Variants in FGD6 observed in about 807,000 individuals in gnomAD.
FGD6 encodes the protein FYVE, RhoGEF and PH domain-containing protein 6.
In FGD6, 90 loss-of-function variants were observed where a neutral mutation model predicts 149.4. The ratio of observed to expected loss-of-function variants is 0.60; its 90% CI spans 0.51 to 0.72. The LOEUF is 0.72. Ranked by LOEUF, FGD6 falls within the 30% of genes least tolerant of loss-of-function variation. FGD6 has a pLI of 0.00. For missense variants in FGD6, 1,437 were observed against 1,684.8 expected (o/e 0.85, Z 2.57); for synonymous variants, 527 against 584.0 (o/e 0.90, Z 1.41).
chr12:95,208,772 T>C, intron 2 of FGD6, 71 bp downstream of exon 2: 3 of 1,517,296 alleles, frequency 2.0e-6, no homozygotes, highest in Admixed American at 2.2e-5. Flanking sequence ...CCCCCTGCAT[T>C]CCTAACTCAC....
At chr12:95,165,420 G>A (rs1403854601) in intron 3 of FGD6, among the ~76,000 whole-genome samples, 8 of 149,640 alleles carry the variant, frequency 5.3e-5, no homozygotes, top group Non-Finnish European at 1.0e-4. Flanking sequence ...TGCAACCTCC[G>A]CCTCCTGGGT....
intron 8 of FGD6, among the ~76,000 whole-genome samples, chr12:95,120,407 C>T (rs1879154320): frequency 6.6e-6 from 1 of 151,118 alleles, no homozygotes; most frequent in Admixed American, 6.6e-5. Flanking sequence ...AAATTTTAGG[C>T]TGGGCATGGT....
chr12:95,162,277 C>T (rs914461261), intron 3 of FGD6, among the ~76,000 whole-genome samples: 3 of 151,594 alleles, frequency 2.0e-5, no homozygotes, highest in South Asian at 2.1e-4. Context: ...AATCCCAGCA[C>T]TTTGGGAGGC....
chr12:95,113,342 C>T (rs945229116), intron 9 of FGD6, among the ~76,000 whole-genome samples: 1 of 151,400 alleles, frequency 6.6e-6, no homozygotes, highest in Admixed American at 6.6e-5. Flanking sequence ...AAGCAATTCT[C>T]CTGCCTCAGC....
intron 3 of FGD6, among the ~76,000 whole-genome samples, chr12:95,163,919 C>T (rs1447509269): frequency 6.6e-6 from 1 of 152,132 alleles, no homozygotes; most frequent in East Asian, 1.9e-4. Context: ...ATATTATCTC[C>T]AACTTGTAAG....
At chr12:95,160,727 CTT>C (rs1163074137) in intron 3 of FGD6, among the ~76,000 whole-genome samples, 1 of 152,156 alleles carries the variant, frequency 6.6e-6, no homozygotes, top group African/African-American at 2.4e-5. Flanking sequence ...GGAATTGCCT[CTT>C]CTTTTCCTTT....
rs368420503 is a variant in FGD6, at chr12:95,178,964, C to CA, written c.2442-6221dup. On this transcript the variant is annotated intron_variant, in intron 2 of 20. Transcript: ENST00000343958. ...CTAGCAAGCTAGGGTTCTATGGCTT[C>CA]AAAAAAAAAGAAATCACACAAAAAT... 6.3e-3 allele frequency among the ~76,000 whole-genome samples: 947 copies of CA among 149,842 alleles called. 17 individuals carry two copies. The highest frequency in any genetic ancestry group is 0.022 in the African/African-American group (888 of 40,968).
chr12:95,087,377 G>A (rs1877914703), intron 18 of FGD6, among the ~76,000 whole-genome samples: 2 of 152,092 alleles, frequency 1.3e-5, no homozygotes, highest in African/African-American at 4.8e-5. Flanking sequence ...CCATGATCAA[G>A]CTACCTTATA....
intron 1 of FGD6, among the ~76,000 whole-genome samples, chr12:95,216,663 G>C (rs1592887901): frequency 2.3e-5 from 1 of 43,074 alleles, no homozygotes; most frequent in Admixed American, 3.4e-4. Flanking sequence ...ATTGGGTGCA[G>C]ACAAGCAAAA....
At chr12:95,150,818 T>C (rs184982033) in intron 5 of FGD6, among the ~76,000 whole-genome samples, 7 of 152,158 alleles carry the variant, frequency 4.6e-5, no homozygotes, top group Non-Finnish European at 7.4e-5. Context: ...AAAAGAGAAC[T>C]GGCTGGGCAT....
In FGD6 at chr12:95,209,134, A is replaced by T; in HGVS notation, c.2150T>A (p.Leu717Gln). ...SRGQTSAANGLRAESLDDQML... is the reference protein window; with the variant it reads ...SRGQTSAANGQRAESLDDQML... ...TTGGTCATCCAAAGACTCAGCTCTC[A>T]GACCATTAGCTGCACTGGTCTGGCC... Residue 717 changes from leucine to glutamine, a missense_variant, in exon 2 of 21, where the codon CTG becomes CAG. Transcript: ENST00000343958. The T allele has an allele frequency of 6.2e-7, 1 of 1,614,200 alleles. No individual in the cohort carries two copies. The highest frequency in any genetic ancestry group is 8.5e-7 in the Non-Finnish European group (1 of 1,180,038).
Position 95,210,496 on chromosome 12 carries a change from C to A in FGD6, c.788G>T (p.Ser263Ile). 6.2e-7 allele frequency: 1 copy of A among 1,613,896 alleles called. No individual in the cohort carries two copies. The change falls in exon 2 of 21, where the codon AGC becomes ATC. Residue 263 changes from serine (S) to isoleucine (I), a missense_variant. Coordinates refer to ENST00000343958, the MANE Select transcript of FGD6 (RefSeq NM_018351.4). Reference protein sequence around the residue: ...FETCQDDSEKSNNCFQSSELE... With the variant: ...FETCQDDSEKINNCFQSSELE... ...TTCAGATGACTGAAAGCAATTATTG[C>A]TTTTTTCACTGTCATCCTGGCAAGT...
chr12:95,148,202 A>G (rs1880069999), intron 5 of FGD6, among the ~76,000 whole-genome samples: 1 of 151,626 alleles, frequency 6.6e-6, no homozygotes, highest in Non-Finnish European at 1.5e-5. Context: ...GTCAGGGTGT[A>G]TTCAGTGAAA....
intron 18 of FGD6, among the ~76,000 whole-genome samples, chr12:95,087,623 A>T (rs1877922600): frequency 6.6e-6 from 1 of 152,230 alleles, no homozygotes; most frequent in South Asian, 2.1e-4. Flanking sequence ...AGTCCCAGCT[A>T]ACCCATGCCT....
intron 2 of FGD6, among the ~76,000 whole-genome samples, chr12:95,184,870 A>T (rs755835285): frequency 3.0e-5 from 4 of 131,814 alleles, no homozygotes; most frequent in Non-Finnish European, 6.4e-5. Flanking sequence ...GGCAGGAGCC[A>T]CCACACTCAG....
intron 2 of FGD6, among the ~76,000 whole-genome samples, chr12:95,201,434 T>C (rs117583485): frequency 1.1e-3 from 160 of 152,188 alleles, no homozygotes; most frequent in Middle Eastern, 3.4e-3. Flanking sequence ...TTCTATCACA[T>C]TTTTCATATA....
intron 5 of FGD6, among the ~76,000 whole-genome samples, chr12:95,150,258 C>G (rs1880269792): frequency 6.6e-6 from 1 of 152,026 alleles, no homozygotes; most frequent in South Asian, 2.1e-4. Context: ...AACTCCTGAC[C>G]TCATGTGATC....
chr12:95,125,836 T>C, intron 8 of FGD6: 1 of 1,016,550 alleles, frequency 9.8e-7, no homozygotes, highest in Non-Finnish European at 1.6e-6. Context: ...AAATTCATTG[T>C]GATCATAGAT....
intron 5 of FGD6, among the ~76,000 whole-genome samples, chr12:95,142,799 C>A (rs1879891759): frequency 6.6e-6 from 1 of 152,172 alleles, no homozygotes; most frequent in African/African-American, 2.4e-5. Flanking sequence ...TCTTGTCAAC[C>A]TCTCAATAAA....
Sources: allele counts gnomAD v4.1 joint callset (sites outside exome capture counted in the v4.1 genomes callset), GRCh38; gene constraint gnomAD v4.1.1; transcripts MANE v1.5; gene names NCBI Gene and HGNC (gene_info 2026-07-23, HGNC 2026-07-21).